PACRG: variants seen among roughly 807,000 people sequenced by gnomAD.
The protein encoded by PACRG is parkin coregulated, also known as parkin coregulated gene protein.
In PACRG, 29 loss-of-function variants were observed where a neutral mutation model predicts 29.7. The ratio of observed to expected loss-of-function variants is 0.98; its 90% CI spans 0.73 to 1.33. The LOEUF is 1.33. PACRG is among the 40% of genes most tolerant of loss of function. The probability of loss-of-function intolerance (pLI) is 0.00; values close to 1 mark genes in which losing one functional copy is unlikely to be tolerated. For missense variants in PACRG, 279 were observed against 316.2 expected (o/e 0.88, Z 0.89); for synonymous variants, 116 against 118.7 (o/e 0.98, Z 0.15).
At chr6:163,265,525 G>A (rs992486069) in intron 4 of PACRG, among the ~76,000 whole-genome samples, 5 of 152,160 alleles carry the variant, frequency 3.3e-5, no homozygotes, top group African/African-American at 4.8e-5. Context: ...ATTGTTGTGA[G>A]GATTAAATGA....
intron 2 of PACRG, among the ~76,000 whole-genome samples, chr6:162,942,765 T>C (rs1261386636): frequency 6.6e-6 from 1 of 152,200 alleles, no homozygotes; most frequent in African/African-American, 2.4e-5. Flanking sequence ...AATATTTGAT[T>C]GATTCAGTGC....
intron 1 of PACRG, among the ~76,000 whole-genome samples, chr6:162,809,613 G>A (rs1786660759): frequency 6.6e-6 from 1 of 152,150 alleles, no homozygotes; most frequent in Admixed American, 6.5e-5. Flanking sequence ...GAATCAGAAA[G>A]ATTGGAGTAT....
intron 4 of PACRG, among the ~76,000 whole-genome samples, chr6:163,094,594 G>C (rs993918767): frequency 2.0e-5 from 3 of 152,134 alleles, no homozygotes; most frequent in African/African-American, 7.2e-5. Context: ...TTCCACGAAG[G>C]CAAAATGTTT....
chr6:162,942,538 ATAGTGTTTTTCCATTCTAGAATT>A, intron 2 of PACRG, among the ~76,000 whole-genome samples: 1 of 152,300 alleles, frequency 6.6e-6, no homozygotes, highest in Admixed American at 6.5e-5. Flanking sequence ...TCAAAATATT[ATAGTGTTTTTCCATTCTAGAATT>A]TCTATTTGAT....
chr6:162,744,267 G>A (rs970646664), intron 1 of PACRG, among the ~76,000 whole-genome samples: 4 of 152,066 alleles, frequency 2.6e-5, no homozygotes, highest in African/African-American at 9.7e-5. Context: ...CAGATCATTT[G>A]TTTCAGTGGG....
At position 162,853,709 on chromosome 6, in the gene PACRG, C is replaced by T. The variant is rs867451199; in HGVS notation, c.291+39428C>T. On this transcript the variant is annotated intron_variant, in intron 2 of 4. Coordinates refer to ENST00000366888, the MANE Select transcript of PACRG (RefSeq NM_001080379.2). The surrounding 1 kb of genome is among the most constrained non-coding windows in gnomAD (Gnocchi z 4.7). ...GTATGTACAACAAACGCCCATGATG[C>T]GTGTTTGTCTATGTAACAAACCTTC... is the stretch of plus-strand genomic sequence containing the variant. Among the ~76,000 whole-genome samples the T allele has an allele frequency of 2.6e-5, 4 of 152,190 alleles. No individual in the cohort carries two copies. The highest frequency in any genetic ancestry group is 9.7e-5 in the African/African-American group (4 of 41,446).
intron 4 of PACRG, among the ~76,000 whole-genome samples, chr6:163,119,116 C>T (rs1233834148): frequency 1.3e-5 from 2 of 152,320 alleles, no homozygotes; most frequent in East Asian, 3.9e-4. Context: ...GCATGCAGAT[C>T]CCAGGGCCAT....
chr6:163,240,217 C>A (rs2128167848), intron 4 of PACRG, among the ~76,000 whole-genome samples: 1 of 151,554 alleles, frequency 6.6e-6, no homozygotes, highest in East Asian at 2.0e-4. Flanking sequence ...GATGCTAACG[C>A]CTGGCCTTGG....
intron 2 of PACRG, among the ~76,000 whole-genome samples, chr6:162,818,281 C>T (rs529235561): frequency 3.3e-5 from 5 of 152,218 alleles, no homozygotes; most frequent in South Asian, 2.1e-4. Context: ...ATCAGATGAA[C>T]GATGGAATTT....
chr6:163,256,558 A>T (rs540700510), intron 4 of PACRG, among the ~76,000 whole-genome samples: 1 of 152,350 alleles, frequency 6.6e-6, no homozygotes, highest in South Asian at 2.1e-4. Context: ...GGGGACATTG[A>T]CAAAGACCCC....
chr6:163,060,094 G>C (rs998508044), intron 2 of PACRG, among the ~76,000 whole-genome samples: 2 of 151,942 alleles, frequency 1.3e-5, no homozygotes, highest in Non-Finnish European at 2.9e-5. Flanking sequence ...AAAGAAAAAA[G>C]TAAATAAAAA....
chr6:162,828,663 C>A (rs1051150407), intron 2 of PACRG, among the ~76,000 whole-genome samples: 3 of 152,106 alleles, frequency 2.0e-5, no homozygotes, highest in African/African-American at 7.2e-5. Context: ...ATATAGCACC[C>A]TTTTGTGGGG....
chr6:163,172,248 C>T (rs1484718001), intron 4 of PACRG, among the ~76,000 whole-genome samples: 1 of 152,206 alleles, frequency 6.6e-6, no homozygotes, highest in Non-Finnish European at 1.5e-5. Flanking sequence ...GTTCCTCTAC[C>T]TTGATCAGCT....
intron 2 of PACRG, among the ~76,000 whole-genome samples, chr6:162,969,593 C>G (rs1448035697): frequency 6.6e-6 from 1 of 152,128 alleles, no homozygotes; most frequent in Non-Finnish European, 1.5e-5. Flanking sequence ...ACCCTAATCT[C>G]TCTTCCTGGC....
chr6:162,823,067 A>G (rs1787976721), intron 2 of PACRG, among the ~76,000 whole-genome samples: 1 of 152,130 alleles, frequency 6.6e-6, no homozygotes, highest in Non-Finnish European at 1.5e-5. Flanking sequence ...CTTCACAGAT[A>G]ATTTTGTGGT....
At chr6:162,818,758 C>T (rs543422629) in intron 2 of PACRG, among the ~76,000 whole-genome samples, 1 of 152,098 alleles carries the variant, frequency 6.6e-6, no homozygotes, top group South Asian at 2.1e-4. Context: ...TAACGTGCTA[C>T]GTGACAGAAT....
chr6:163,088,405 T>C (rs766049809), intron 3 of PACRG, among the ~76,000 whole-genome samples: 15 of 152,192 alleles, frequency 9.9e-5, no homozygotes, highest in Non-Finnish European at 1.5e-4. Flanking sequence ...ACCATGGTAC[T>C]TTTAGCCATC....
Position 162,741,811 on chromosome 6 carries a change from C to A in PACRG, c.156+13420C>A, listed in dbSNP as rs138796412. On this transcript the variant is annotated intron_variant, in intron 1 of 4. Coordinates refer to ENST00000366888, the MANE Select transcript of PACRG (RefSeq NM_001080379.2). ...AAACTAAAAGAAATCAAAAACCTTC[C>A]TTTGGAAAGAAAACTAAATGTGTGT... 3.4e-3 allele frequency among the ~76,000 whole-genome samples: 511 copies of A among 152,248 alleles called. 3 individuals are homozygous for A. The highest frequency in any genetic ancestry group is 0.012 in the African/African-American group (480 of 41,552).
At chr6:163,296,155 G>T (rs1444984432) in intron 4 of PACRG, among the ~76,000 whole-genome samples, 22 of 152,268 alleles carry the variant, frequency 1.4e-4, no homozygotes. Context: ...GCTCTAATTT[G>T]CTATCTTATA....
Sources: allele counts gnomAD v4.1 joint callset (sites outside exome capture counted in the v4.1 genomes callset), GRCh38; gene constraint gnomAD v4.1.1; non-coding constraint Gnocchi (gnomAD v3.1); transcripts MANE v1.5; gene names NCBI Gene and HGNC (gene_info 2026-07-23, HGNC 2026-07-21).